HNRNPDL: variants seen among roughly 807,000 people sequenced by gnomAD.
HNRNPDL encodes heterogeneous nuclear ribonucleoprotein D-like.
HNRNPDL carries 18 observed loss-of-function variants against 48.0 expected under a neutral mutation model. The ratio of observed to expected loss-of-function variants is 0.38; its 90% CI spans 0.26 to 0.56. The LOEUF is 0.56. Among genes scored for constraint, HNRNPDL ranks in the 20% least tolerant of loss-of-function variants. The probability of loss-of-function intolerance (pLI) is 0.77; values close to 1 mark genes in which losing one functional copy is unlikely to be tolerated. For synonymous variants in HNRNPDL, 306 were observed against 207.3 expected, an observed-to-expected ratio of 1.48 and a Z score of -4.09; for missense variants, 553 against 540.7, an observed-to-expected ratio of 1.02 and a Z score of -0.23.
chr4:82,429,088 T>G (rs1721559621), intron 1 of HNRNPDL, among the ~76,000 whole-genome samples, 160 bp downstream of exon 1: 1 of 151,224 alleles, frequency 6.6e-6, no homozygotes. Flanking sequence ...AGTCACCCCC[T>G]CGATCTCTTA....
At position 82,429,493 on chromosome 4, in the gene HNRNPDL, G is replaced by A. The variant is rs771211825; in HGVS notation, c.198C>T (p.Pro66=). ...RAQRHVTAQQ[P]SRLAGGAAIK... Reference sequence around the variant, plus strand: ...TAGCCGCCCCGCCCGCCAATCGGGAGGGCTGCTGGGCGGTGACGTGGCGCT... The same window carrying A: ...TAGCCGCCCCGCCCGCCAATCGGGAAGGCTGCTGGGCGGTGACGTGGCGCT... Residue 66 remains proline (P), a synonymous_variant, in exon 1 of 8, where the codon CCC becomes CCT. Coordinates refer to ENST00000295470, the MANE Select transcript of HNRNPDL (RefSeq NM_031372.4). 5.1e-6 allele frequency: 8 copies of A among 1,558,868 alleles called. No homozygotes were observed. In the South Asian group the frequency reaches 6.9e-5, roughly 13 times the overall value.
Position 82,422,970 on chromosome 4 carries a change from C to T in HNRNPDL, c.*1936G>A, listed in dbSNP as rs146129186. 152 of 152,058 alleles carry T rather than the reference C, an allele frequency of 1.0e-3. 1 individual carries two copies. Among genetic ancestry groups the T allele is most frequent in the African/African-American group, 3.5e-3 (145 of 41,494 alleles). 9.4% of individuals were successfully genotyped at this position (152,058 alleles called of 1,614,324 possible). A position where few individuals can be genotyped will look rare whatever the true frequency, so the allele number is the denominator to read the frequency against. On this transcript the variant is annotated 3_prime_UTR_variant, in exon 8 of 8. Transcript: ENST00000295470. ...ATCTTGATAGTAGCTTCAGTTCATC[C>T]AACCTAGGACACTTAGCCTTAGAGT...
At position 82,427,232 on chromosome 4, in the gene HNRNPDL, C is replaced by T. The variant is rs1232023573; in HGVS notation, c.979G>A (p.Ala327Thr). ...GTACCACCTCGTCCACCAGCTGCAG[C>T]ACCTCTTCCACCTTTTTGTTGTTGC... ...QQQQQKGGRGAAAGGRGGTRG... is the reference protein window; with the variant it reads ...QQQQQKGGRGTAAGGRGGTRG... Residue 327 changes from alanine to threonine, a missense_variant, in exon 5 of 8, where the codon GCT (alanine) becomes ACT (threonine). Around this residue, in one of 4 missense-constraint regions of HNRNPDL, gnomAD observed 174 missense variants for 204.6 expected, o/e 0.85. Transcript: ENST00000295470. 6.2e-7 allele frequency: 1 copy of T among 1,613,936 alleles called. No homozygotes were observed. Among genetic ancestry groups the T allele is most frequent in the African/African-American group, 1.3e-5 (1 of 74,924 alleles).
At chr4:82,427,895 C>T in intron 3 of HNRNPDL, 123 bp downstream of exon 3, 1 of 938,334 alleles carries the variant, frequency 1.1e-6, no homozygotes, top group African/African-American at 1.7e-5. Flanking sequence ...TCACTGGAAG[C>T]GACTTGAGCA....
chr4:82,424,531 T>G lies in HNRNPDL; in HGVS notation c.*375A>C, dbSNP rs1030144330. The G allele has an allele frequency of 6.6e-6, 1 of 152,668 alleles. No individual in the cohort carries two copies. Among genetic ancestry groups the G allele is most frequent in the Non-Finnish European group, 1.5e-5 (1 of 68,046 alleles). The allele number at this position is 152,668 out of a possible 1,614,324, so 9.5% of individuals were successfully genotyped here. A position where few individuals can be genotyped will look rare whatever the true frequency, so the allele number is the denominator to read the frequency against. ...TATAAAGGACCACAGTTTCTCTGTA[T>G]GGACCAATACTCTACAAAATCAACT... is the stretch of plus-strand genomic sequence containing the variant. On this transcript the variant is annotated 3_prime_UTR_variant, in exon 8 of 8. Coordinates refer to ENST00000295470, the MANE Select transcript of HNRNPDL (RefSeq NM_031372.4).
At chr4:82,425,154 G>C (rs1334731492) in intron 7 of HNRNPDL, 1 of 152,192 alleles carries the variant, frequency 6.6e-6, no homozygotes. Context: ...AGGTCTACTA[G>C]AAGCATCTCT....
Position 82,423,575 on chromosome 4 carries a change from G to C in HNRNPDL, c.*1331C>G, listed in dbSNP as rs1431057479. 2.0e-5 allele frequency: 3 copies of C among 151,844 alleles called. No individual in the cohort carries two copies. Among genetic ancestry groups the C allele is most frequent in the African/African-American group, 7.2e-5 (3 of 41,428 alleles). The allele number at this position is 151,844 out of a possible 1,614,324, so 9.4% of individuals were successfully genotyped here. ...TGAGCATAAGAAACTTACCAGTTTT[G>C]TGAGATCACCCGTTGTGTGAGATCA... On this transcript the variant is annotated 3_prime_UTR_variant, in exon 8 of 8. Coordinates refer to ENST00000295470, the MANE Select transcript of HNRNPDL (RefSeq NM_031372.4).
At position 82,423,710 on chromosome 4, in the gene HNRNPDL, G is replaced by A. The variant is rs949985572; in HGVS notation, c.*1196C>T. The A allele has an allele frequency of 7.2e-5, 11 of 152,074 alleles. No homozygotes were observed. The highest frequency in any genetic ancestry group is 2.4e-4 in the African/African-American group (10 of 41,400). The allele number at this position is 152,074 out of a possible 1,614,324, so 9.4% of individuals were successfully genotyped here. A position where few individuals can be genotyped will look rare whatever the true frequency, so the allele number is the denominator to read the frequency against. On this transcript the variant is annotated 3_prime_UTR_variant, in exon 8 of 8. Transcript: ENST00000295470. ...AATCCAAAGCTTTTTATTATTCCAG[G>A]TCCTCTGAAACCTGGATATAAAACG...
rs149880926 is a variant in HNRNPDL, at chr4:82,423,550, T to C, written c.*1356A>G. 7 of 150,876 alleles carry C rather than the reference T, an allele frequency of 4.6e-5. No individual in the cohort carries two copies. The highest frequency in any genetic ancestry group is 6.6e-5 in the Admixed American group (1 of 15,154). The allele number at this position is 150,876 out of a possible 1,614,324, so 9.3% of individuals were successfully genotyped here. On this transcript the variant is annotated 3_prime_UTR_variant, in exon 8 of 8. Transcript: ENST00000295470. ...ATTAAAAAAAAAAAGGGAGGGCTCA[T>C]GAGCATAAGAAACTTACCAGTTTTG...
In HNRNPDL at chr4:82,427,995, C is replaced by G. The variant is rs201756867; in HGVS notation, c.774+23G>C. 1.7e-3 allele frequency: 2,723 copies of G among 1,602,272 alleles called. 8 individuals carry two copies. The highest frequency in any genetic ancestry group is 3.7e-3 in the South Asian group (331 of 90,440). ...CATTTTATAAACACATCAAGCTTAA[C>G]ATGTGTAAACATAATCACACACCTC... On this transcript the variant is annotated intron_variant, in intron 3 of 7. Coordinates refer to ENST00000295470, the MANE Select transcript of HNRNPDL (RefSeq NM_031372.4).
rs1721239198 is a variant in HNRNPDL at position 82,422,856 on chromosome 4, T to C, written c.*2050A>G. 6.6e-6 allele frequency: 1 copy of C among 152,206 alleles called. No individual in the cohort carries two copies. The highest frequency in any genetic ancestry group is 2.4e-5 in the African/African-American group (1 of 41,444). The allele number at this position is 152,206 out of a possible 1,614,324, so 9.4% of individuals were successfully genotyped here. A position where few individuals can be genotyped will look rare whatever the true frequency, so the allele number is the denominator to read the frequency against. ...CGATGTAAAAAACATACACAGAGTA[T>C]TTGTTATAGGTACTTTAGAATTCAT... On this transcript the variant is annotated 3_prime_UTR_variant, in exon 8 of 8. Coordinates refer to ENST00000295470, the MANE Select transcript of HNRNPDL (RefSeq NM_031372.4).
chr4:82,427,605 A>G, intron 3 of HNRNPDL, 41 bp from the exon 4 acceptor site: 1 of 1,593,800 alleles, frequency 6.3e-7, no homozygotes, highest in Non-Finnish European at 8.5e-7. Flanking sequence ...CCATAATTGT[A>G]AAACGTTACA....
At chr4:82,428,951 G>T (rs968456279) in intron 1 of HNRNPDL, among the ~76,000 whole-genome samples, 1 of 152,200 alleles carries the variant, frequency 6.6e-6, no homozygotes, top group African/African-American at 2.4e-5. Flanking sequence ...CAGCTGCAGC[G>T]TGCAGCGCTG....
At position 82,428,111 on chromosome 4, in the gene HNRNPDL, T is replaced by C; in HGVS notation, c.681A>G (p.Lys227=). 3.7e-6 allele frequency: 6 copies of C among 1,614,164 alleles called. No homozygotes were observed. Among genetic ancestry groups the C allele is most frequent in the Non-Finnish European group, 5.1e-6 (6 of 1,179,992 alleles). ...LIDPKRAKAL[K]GKEPPKKVFV... is the part of the protein sequence containing the mutation. ...AAACCTTTTTGGGAGGTTCTTTCCC[T>C]TTTAAAGCTTTGGCCCTTTTGGGAT... The change falls in exon 3 of 8, where the codon AAA becomes AAG. Residue 227 remains lysine, a synonymous_variant. Transcript: ENST00000295470.
chr4:82,427,323 A>G lies in HNRNPDL; in HGVS notation c.907-19T>C, dbSNP rs1178102338. The G allele has an allele frequency of 3.2e-6, 5 of 1,555,626 alleles. No homozygotes were observed. Among genetic ancestry groups the G allele is most frequent in the Non-Finnish European group, 3.5e-6 (4 of 1,150,040 alleles). On this transcript the variant is annotated intron_variant, in intron 4 of 7. Coordinates refer to ENST00000295470, the MANE Select transcript of HNRNPDL (RefSeq NM_031372.4). The stretch of plus-strand genomic sequence containing the variant: ...TTTCACACTATAAACAAAAAACATG[A>G]AAGTATAATTTTTACCGAAGTTCTA...
chr4:82,429,977 T>A lies in HNRNPDL; in HGVS notation c.-287A>T. The A allele has an allele frequency of 4.3e-6, 1 of 233,610 alleles. No individual in the cohort carries two copies. Among genetic ancestry groups the A allele is most frequent in the Non-Finnish European group, 8.2e-6 (1 of 121,288 alleles). The allele number at this position is 233,610 out of a possible 1,614,324, so 14.5% of individuals were successfully genotyped here. A position where few individuals can be genotyped will look rare whatever the true frequency, so the allele number is the denominator to read the frequency against. On this transcript the variant is annotated 5_prime_UTR_variant, in exon 1 of 8. Transcript: ENST00000295470. ...CTACCGACTAGCACCGCGGCCAGTC[T>A]GCTCCGGAAAAAGGCGGACTGCGCC...
At position 82,429,473 on chromosome 4, in the gene HNRNPDL, G is replaced by A. The variant is rs1016745921; in HGVS notation, c.218C>T (p.Ala73Val). 1.9e-6 allele frequency: 3 copies of A among 1,575,256 alleles called. No individual in the cohort carries two copies. Among genetic ancestry groups the A allele is most frequent in the Non-Finnish European group, 2.6e-6 (3 of 1,160,954 alleles). ...CCGCCTGCGCCCTCCCTTTATAGCC[G>A]CCCCGCCCGCCAATCGGGAGGGCTG... ...AQQPSRLAGG[A>V]AIKGGRRRRP... The change falls in exon 1 of 8, where the codon GCG becomes GTG. Residue 73 changes from alanine (A) to valine (V), a missense_variant. Coordinates refer to ENST00000295470, the MANE Select transcript of HNRNPDL (RefSeq NM_031372.4).
At position 82,429,783 on chromosome 4, in the gene HNRNPDL, A is replaced by C; in HGVS notation, c.-93T>G. 9.9e-7 allele frequency: 1 copy of C among 1,010,632 alleles called. No individual in the cohort carries two copies. The highest frequency in any genetic ancestry group is 1.3e-6 in the Non-Finnish European group (1 of 762,444). The allele number at this position is 1,010,632 out of a possible 1,614,324, so 62.6% of individuals were successfully genotyped here. A position where few individuals can be genotyped will look rare whatever the true frequency, so the allele number is the denominator to read the frequency against. On this transcript the variant is annotated 5_prime_UTR_variant, in exon 1 of 8. Coordinates refer to ENST00000295470, the MANE Select transcript of HNRNPDL (RefSeq NM_031372.4). ...AGAAGAGAAAAACGAAGGGGCGTAAATTCCTGGGGTCAGCAGTCCCGAGCA... is the reference window on the plus strand; with the variant it reads ...AGAAGAGAAAAACGAAGGGGCGTAACTTCCTGGGGTCAGCAGTCCCGAGCA...
chr4:82,425,123 AG>A (rs1721366295), intron 7 of HNRNPDL: 1 of 152,172 alleles, frequency 6.6e-6, no homozygotes, highest in African/African-American at 2.4e-5. Context: ...CCATATTCAG[AG>A]GTTCAACTAT....
Sources: allele counts gnomAD v4.1 joint callset (sites outside exome capture counted in the v4.1 genomes callset), GRCh38; gene constraint gnomAD v4.1.1; regional missense constraint gnomAD v4.1.1; transcripts MANE v1.5; gene names NCBI Gene and HGNC (gene_info 2026-07-23, HGNC 2026-07-21).